Variants in TSPAN9 observed in about 807,000 individuals in gnomAD.
The protein encoded by TSPAN9 is tetraspanin 9.
Under a neutral mutation model 31.0 loss-of-function variants are expected in TSPAN9, and 16 were observed. That is an observed-to-expected ratio of 0.52 (90% CI 0.35 to 0.78). TSPAN9 has a LOEUF of 0.78. Ranked by LOEUF, TSPAN9 falls within the 30% of genes least tolerant of loss-of-function variation. The probability of loss-of-function intolerance (pLI) is 0.01; values close to 1 mark genes in which losing one functional copy is unlikely to be tolerated. For missense variants in TSPAN9, 272 were observed against 312.5 expected (o/e 0.87, Z 0.98); for synonymous variants, 145 against 121.6 (o/e 1.19, Z -1.27).
intron 2 of TSPAN9, among the ~76,000 whole-genome samples, chr12:3,158,914 G>A (rs914495304): frequency 7.9e-5 from 12 of 151,608 alleles, no homozygotes; most frequent in East Asian, 3.9e-4. Flanking sequence ...TGTAAAGTGC[G>A]TCTTGCTTGG....
At chr12:3,169,464 C>G (rs2098350530) in intron 2 of TSPAN9, among the ~76,000 whole-genome samples, 2 of 152,236 alleles carry the variant, frequency 1.3e-5, no homozygotes, top group Non-Finnish European at 2.9e-5. Flanking sequence ...ATCTCAGCTT[C>G]TCCACCTGTC....
At chr12:3,169,713 G>C (rs79000652) in intron 2 of TSPAN9, among the ~76,000 whole-genome samples, 198 of 152,362 alleles carry the variant, frequency 1.3e-3, no homozygotes, top group African/African-American at 3.5e-3. Flanking sequence ...CCATGCCTGT[G>C]AGCTTGTTGG....
At chr12:3,110,121 G>GT (rs1232040126) in intron 2 of TSPAN9, among the ~76,000 whole-genome samples, 1 of 51,398 alleles carries the variant, frequency 1.9e-5, no homozygotes, top group African/African-American at 2.2e-4. Context: ...GCACAAGACC[G>GT]GGAGTGGGCT....
At chr12:3,282,781 G>C (rs1462519720) in intron 8 of TSPAN9, among the ~76,000 whole-genome samples, 2 of 152,222 alleles carry the variant, frequency 1.3e-5, no homozygotes, top group African/African-American at 4.8e-5. Flanking sequence ...CCTCTGAGTA[G>C]GCACACGTAT....
intron 3 of TSPAN9, among the ~76,000 whole-genome samples, chr12:3,202,264 AGTCT>A (rs2098372360): frequency 6.6e-6 from 1 of 152,174 alleles, no homozygotes; most frequent in Non-Finnish European, 1.5e-5. Context: ...TCAGTCCCAG[AGTCT>A]GTCCTGCCCT....
intron 3 of TSPAN9, among the ~76,000 whole-genome samples, chr12:3,232,112 T>C (rs898623062): frequency 6.6e-6 from 1 of 152,216 alleles, no homozygotes; most frequent in African/African-American, 2.4e-5. Flanking sequence ...CTTATGGGCC[T>C]GAGGATGGCA....
intron 2 of TSPAN9, among the ~76,000 whole-genome samples, chr12:3,104,363 G>A (rs1214162761): frequency 1.3e-5 from 2 of 151,342 alleles, no homozygotes; most frequent in Admixed American, 1.3e-4. Context: ...AATTGTTGTT[G>A]TTGTTTTGAG....
intron 2 of TSPAN9, among the ~76,000 whole-genome samples, chr12:3,177,658 T>A (rs1396098854): frequency 6.6e-6 from 1 of 152,052 alleles, no homozygotes; most frequent in Non-Finnish European, 1.5e-5. Flanking sequence ...TCCTTGAACT[T>A]CTGACCTCAG....
chr12:3,166,939 G>A (rs1173503584), intron 2 of TSPAN9, among the ~76,000 whole-genome samples: 1 of 152,166 alleles, frequency 6.6e-6, no homozygotes, highest in Non-Finnish European at 1.5e-5. Flanking sequence ...TGGGATTACA[G>A]GCATGCGCCA....
At chr12:3,190,400 A>G (rs921296261) in intron 2 of TSPAN9, among the ~76,000 whole-genome samples, 1 of 152,222 alleles carries the variant, frequency 6.6e-6, no homozygotes. Context: ...GCCTTCCTTG[A>G]TAAGTACTAA....
intron 3 of TSPAN9, among the ~76,000 whole-genome samples, chr12:3,267,025 T>G (rs148266138): frequency 5.1e-4 from 77 of 152,316 alleles, no homozygotes; most frequent in African/African-American, 1.8e-3. Flanking sequence ...TGAAAGGGCC[T>G]CCGACCTGCC....
At chr12:3,105,755 C>T (rs2153964768) in intron 2 of TSPAN9, among the ~76,000 whole-genome samples, 1 of 94,052 alleles carries the variant, frequency 1.1e-5, no homozygotes, top group African/African-American at 2.9e-5. Flanking sequence ...CACTCACACA[C>T]ACGCACACAC....
At chr12:3,116,671 T>A (rs883594) in intron 2 of TSPAN9, among the ~76,000 whole-genome samples, 1 of 151,854 alleles carries the variant, frequency 6.6e-6, no homozygotes, top group Non-Finnish European at 1.5e-5. Context: ...AACTGCCCCC[T>A]GCTGCTGCAC....
intron 3 of TSPAN9, among the ~76,000 whole-genome samples, chr12:3,224,697 CACGT>C (rs1426190376): frequency 6.6e-6 from 1 of 152,260 alleles, no homozygotes; most frequent in African/African-American, 2.4e-5. Context: ...TACCCAGATG[CACGT>C]ACTGCGCCAG....
intron 3 of TSPAN9, among the ~76,000 whole-genome samples, chr12:3,202,189 C>G (rs2098372324): frequency 6.6e-6 from 1 of 152,186 alleles, no homozygotes; most frequent in African/African-American, 2.4e-5. Flanking sequence ...TCGAATCGTT[C>G]CTTCATCCCA....
rs1246708969 is a variant in TSPAN9 at position 3,192,539 on chromosome 12, C to T, written c.-17-8638C>T. 2.0e-5 allele frequency among the ~76,000 whole-genome samples: 3 copies of T among 152,020 alleles called. No individual in the cohort carries two copies. Among genetic ancestry groups the T allele is most frequent in the African/African-American group, 4.8e-5 (2 of 41,366 alleles). On this transcript the variant is annotated intron_variant, in intron 2 of 8. Coordinates refer to ENST00000011898, the MANE Select transcript of TSPAN9 (RefSeq NM_006675.5). The surrounding 1 kb of genome is among the most constrained non-coding windows in gnomAD (Gnocchi z 4.6). ...TAAGCAGTGGGGTGAAAACTTAAGC[C>T]ATTTGTTGAGAAGGAGCGGATAGTG...
intron 3 of TSPAN9, among the ~76,000 whole-genome samples, chr12:3,226,677 TGTGTGTGTGTGTGTGTGTG>T (rs2098387323): frequency 3.9e-5 from 1 of 25,682 alleles, no homozygotes; most frequent in Non-Finnish European, 7.3e-5. Context: ...TGTGTGTGTG[TGTGTGTGTGTGTGTGTGTG>T]TGTGTGTGTG....
chr12:3,279,657 G>A (rs775213748), intron 5 of TSPAN9, among the ~76,000 whole-genome samples: 8 of 152,362 alleles, frequency 5.3e-5, no homozygotes, highest in Non-Finnish European at 1.0e-4. Flanking sequence ...CTCTTGGGGC[G>A]TGGCAGGCCC....
intron 2 of TSPAN9, among the ~76,000 whole-genome samples, chr12:3,152,913 A>G (rs2098340534): frequency 6.6e-6 from 1 of 152,224 alleles, no homozygotes; most frequent in Non-Finnish European, 1.5e-5. Context: ...CTTATGCTGC[A>G]TCAGAAGACA....
Sources: gnomAD v4.1 joint callset for allele counts (sites outside exome capture counted in the v4.1 genomes callset) on GRCh38, gnomAD v4.1.1 for gene constraint, Gnocchi (gnomAD v3.1) non-coding constraint, MANE v1.5 for transcripts, NCBI Gene and HGNC (gene_info 2026-07-23, HGNC 2026-07-21) for gene names.